Variants in EPHB1 observed in about 807,000 individuals in gnomAD.
EPHB1 encodes the protein EPH receptor B1.
Under a neutral mutation model 94.4 loss-of-function variants are expected in EPHB1, and 30 were observed. That is an observed-to-expected ratio of 0.32 (90% confidence interval 0.24 to 0.43). The LOEUF (loss-of-function observed/expected upper bound fraction) is 0.43. Among genes scored for constraint, EPHB1 ranks in the 20% least tolerant of loss-of-function variants. The pLI, the probability that EPHB1 is intolerant of heterozygous loss-of-function variation, is 1.00. For missense variants in EPHB1, 1,055 were observed against 1,308.3 expected, an observed-to-expected ratio of 0.81 and a Z score of 2.99; for synonymous variants, 522 against 489.1, an observed-to-expected ratio of 1.07 and a Z score of -0.89.
intron 11 of EPHB1, among the ~76,000 whole-genome samples, chr3:135,196,470 G>C (rs1320708415): frequency 1.3e-5 from 2 of 152,036 alleles, no homozygotes; most frequent in African/African-American, 4.8e-5. Flanking sequence ...GGAGGAGAGG[G>C]GGAAATGAAG....
chr3:135,109,148 A>C (rs765533627), intron 4 of EPHB1, among the ~76,000 whole-genome samples: 1 of 152,192 alleles, frequency 6.6e-6, no homozygotes, highest in Non-Finnish European at 1.5e-5. Context: ...GGCACTGCCC[A>C]GAAGCCCTCA....
At chr3:135,192,545 G>A (rs758250632) in intron 10 of EPHB1, 31 bp from the exon 11 acceptor site, 11 of 1,607,940 alleles carry the variant, frequency 6.8e-6, no homozygotes, top group Non-Finnish European at 9.4e-6. Context: ...TGAGAAGGAA[G>A]AGGATATTAA....
intron 3 of EPHB1, 98 bp downstream of exon 3, chr3:134,952,150 A>G: frequency 7.8e-7 from 1 of 1,277,524 alleles, no homozygotes; most frequent in Non-Finnish European, 1.1e-6. Flanking sequence ...AACAGAAAAT[A>G]GTCTAATGGC....
intron 3 of EPHB1, among the ~76,000 whole-genome samples, chr3:134,998,005 T>G (rs915002498): frequency 2.0e-5 from 3 of 152,208 alleles, no homozygotes; most frequent in African/African-American, 7.2e-5. Context: ...TTTAATTATC[T>G]TCTCAGTTTG....
chr3:135,036,191 G>T (rs1170379577), intron 3 of EPHB1, among the ~76,000 whole-genome samples: 1 of 152,156 alleles, frequency 6.6e-6, no homozygotes. Flanking sequence ...CGTTGGCATA[G>T]GTAGCACAGC....
chr3:134,840,264 T>G (rs1258816585), intron 1 of EPHB1, among the ~76,000 whole-genome samples: 1 of 152,118 alleles, frequency 6.6e-6, no homozygotes, highest in Non-Finnish European at 1.5e-5. Flanking sequence ...CAGAAGGTGC[T>G]CTAGACCCAG....
At chr3:135,086,199 T>C (rs1938354609) in intron 3 of EPHB1, among the ~76,000 whole-genome samples, 1 of 151,978 alleles carries the variant, frequency 6.6e-6, no homozygotes, top group Admixed American at 6.6e-5. Context: ...GGCAGCCCCT[T>C]CCAGGACCGA....
At chr3:135,008,124 TA>T (rs1935488793) in intron 3 of EPHB1, among the ~76,000 whole-genome samples, 1 of 152,130 alleles carries the variant, frequency 6.6e-6, no homozygotes, top group Admixed American at 6.5e-5. Context: ...ACTAGATGGT[TA>T]ACTAGATGGG....
chr3:135,174,203 A>C (rs772778948), intron 9 of EPHB1, among the ~76,000 whole-genome samples: 1 of 152,096 alleles, frequency 6.6e-6, no homozygotes, highest in Non-Finnish European at 1.5e-5. Context: ...CTGCTGATGG[A>C]ACCATTGTCA....
intron 5 of EPHB1, among the ~76,000 whole-genome samples, chr3:135,139,480 C>G (rs1940742743): frequency 2.0e-5 from 3 of 152,198 alleles, no homozygotes; most frequent in African/African-American, 7.2e-5. Context: ...CATTTATTCG[C>G]CTACTCGTCA....
chr3:134,826,783 G>A (rs560709013), intron 1 of EPHB1, among the ~76,000 whole-genome samples: 10 of 152,326 alleles, frequency 6.6e-5, no homozygotes, highest in African/African-American at 2.4e-4. Flanking sequence ...AAGAGGGCAA[G>A]AGTCATCTTT....
intron 1 of EPHB1, among the ~76,000 whole-genome samples, chr3:134,805,844 C>T (rs779012870): frequency 1.3e-5 from 2 of 152,124 alleles, no homozygotes; most frequent in African/African-American, 4.8e-5. Flanking sequence ...TTGGGTTGCC[C>T]TCTGGGTGCC....
chr3:134,811,189 A>C (rs1374570520), intron 1 of EPHB1, among the ~76,000 whole-genome samples: 1 of 148,068 alleles, frequency 6.8e-6, no homozygotes, highest in East Asian at 2.0e-4. Flanking sequence ...TTGCAGCTAA[A>C]CCAGCATTTC....
At chr3:134,833,336 A>T (rs999126696) in intron 1 of EPHB1, among the ~76,000 whole-genome samples, 2 of 152,190 alleles carry the variant, frequency 1.3e-5, no homozygotes, top group African/African-American at 4.8e-5. Context: ...AGTGTGCTGG[A>T]TGAACTCATG....
intron 2 of EPHB1, among the ~76,000 whole-genome samples, chr3:134,930,017 G>A (rs1452972684): frequency 2.0e-5 from 3 of 152,186 alleles, no homozygotes; most frequent in Non-Finnish European, 4.4e-5. Flanking sequence ...TGTTCTGGAG[G>A]CCTCAAAGGA....
intron 3 of EPHB1, among the ~76,000 whole-genome samples, chr3:135,022,111 C>G (rs1417406650): frequency 6.6e-6 from 1 of 152,184 alleles, no homozygotes; most frequent in African/African-American, 2.4e-5. Context: ...TCCCGAGTAG[C>G]TGGGACTACA....
At chr3:134,914,459 A>G (rs547011982) in intron 1 of EPHB1, among the ~76,000 whole-genome samples, 3 of 152,356 alleles carry the variant, frequency 2.0e-5, no homozygotes, top group African/African-American at 7.2e-5. Flanking sequence ...ACAACCAGAC[A>G]GCAATAAAGC....
chr3:134,831,039 A>G (rs545462919), intron 1 of EPHB1, among the ~76,000 whole-genome samples: 2 of 152,322 alleles, frequency 1.3e-5, no homozygotes, highest in East Asian at 3.9e-4. Context: ...TCCCAGGAAT[A>G]TGTAGCTTCT....
At chr3:134,930,661 G>A (rs1167939236) in intron 2 of EPHB1, among the ~76,000 whole-genome samples, 1 of 152,212 alleles carries the variant, frequency 6.6e-6, no homozygotes, top group Non-Finnish European at 1.5e-5. Flanking sequence ...GTAAGTAGCA[G>A]TCTTTCTGGT....
Sources: gnomAD v4.1 joint callset for allele counts (sites outside exome capture counted in the v4.1 genomes callset) on GRCh38, gnomAD v4.1.1 for gene constraint, MANE v1.5 for transcripts, NCBI Gene and HGNC (gene_info 2026-07-23, HGNC 2026-07-21) for gene names.